UBTD1: variants seen among roughly 807,000 people sequenced by gnomAD.
The protein encoded by UBTD1 is ubiquitin domain-containing protein 1.
UBTD1 carries 19 observed loss-of-function variants against 21.7 expected under a neutral mutation model. The observed-to-expected ratio is 0.87, with a 90% CI of 0.61 to 1.28. The LOEUF (loss-of-function observed/expected upper bound fraction) is 1.28, where lower values mean the gene tolerates loss of function less well. Among genes scored for constraint, UBTD1 ranks in the 50% most tolerant of loss-of-function variants. UBTD1 has a pLI of 0.00. For synonymous variants in UBTD1, 116 were observed against 135.1 expected (o/e 0.86, Z 0.98); for missense variants, 282 against 315.1 (o/e 0.89, Z 0.80).
chr10:97,534,095 T>A (rs2135671432), intron 1 of UBTD1, among the ~76,000 whole-genome samples: 1 of 152,230 alleles, frequency 6.6e-6, no homozygotes, highest in South Asian at 2.1e-4. Flanking sequence ...TCTGCCGCCT[T>A]CCCCTAAGAC....
chr10:97,548,857 G>A lies in UBTD1; in HGVS notation c.71-19057G>A, dbSNP rs138974131. Among the ~76,000 whole-genome samples the A allele has an allele frequency of 3.0e-3, 457 of 152,314 alleles. 6 individuals carry two copies. The highest frequency in any genetic ancestry group is 0.011 in the African/African-American group (438 of 41,570). Reference sequence around the variant, plus strand: ...TTTGTAATTGATATCAGATAGGCCAGTTTTCCTCTGGAAATGGGTCGGGGG... The same window carrying A: ...TTTGTAATTGATATCAGATAGGCCAATTTTCCTCTGGAAATGGGTCGGGGG... On this transcript the variant is annotated intron_variant, in intron 1 of 2. Coordinates refer to ENST00000370664, the MANE Select transcript of UBTD1 (RefSeq NM_024954.5).
chr10:97,521,709 C>T (rs988468847), intron 1 of UBTD1, among the ~76,000 whole-genome samples: 8 of 152,250 alleles, frequency 5.3e-5, no homozygotes, highest in African/African-American at 1.4e-4. Context: ...GCCCCAGCTA[C>T]GGAGTTTGGT....
intron 1 of UBTD1, among the ~76,000 whole-genome samples, chr10:97,564,474 T>A (rs2040708335): frequency 6.6e-6 from 1 of 152,182 alleles, no homozygotes; most frequent in Admixed American, 6.5e-5. Context: ...AAGGTCTGAA[T>A]AGGAAACATT....
intron 1 of UBTD1, among the ~76,000 whole-genome samples, chr10:97,527,917 C>T: frequency 6.6e-6 from 1 of 152,210 alleles, no homozygotes; most frequent in South Asian, 2.1e-4. Flanking sequence ...TTCTATTCCA[C>T]AAAACCGCCA....
At chr10:97,518,262 A>C (rs2135662350) in intron 1 of UBTD1, among the ~76,000 whole-genome samples, 1 of 152,298 alleles carries the variant, frequency 6.6e-6, no homozygotes, top group South Asian at 2.1e-4. Flanking sequence ...TGAGGTCAAC[A>C]GGGGAGAACC....
At chr10:97,547,915 G>A (rs1385227241) in intron 1 of UBTD1, among the ~76,000 whole-genome samples, 1 of 150,658 alleles carries the variant, frequency 6.6e-6, no homozygotes, top group African/African-American at 2.5e-5. Flanking sequence ...AAAAAAAAAA[G>A]TAACCTTTAA....
At chr10:97,500,381 A>C (rs531856146) in intron 1 of UBTD1, among the ~76,000 whole-genome samples, 4 of 152,232 alleles carry the variant, frequency 2.6e-5, no homozygotes, top group African/African-American at 9.6e-5. Context: ...CAGGGGAAGC[A>C]GGGAAGGATG....
chr10:97,502,837 A>G (rs946983), intron 1 of UBTD1, among the ~76,000 whole-genome samples: 147,674 of 150,000 alleles, frequency 0.98, 72,719 homozygotes, highest in Middle Eastern at 1. Context: ...GTGTGTGCGT[A>G]TGTGTGTATA....
intron 1 of UBTD1, among the ~76,000 whole-genome samples, chr10:97,561,435 T>C (rs1047145003): frequency 1.8e-4 from 28 of 152,170 alleles, no homozygotes; most frequent in Non-Finnish European, 7.3e-5. Flanking sequence ...CCGAGCTCCC[T>C]GAATGCACAA....
At chr10:97,535,227 T>G (rs1437387043) in intron 1 of UBTD1, among the ~76,000 whole-genome samples, 2 of 152,224 alleles carry the variant, frequency 1.3e-5, no homozygotes, top group Non-Finnish European at 2.9e-5. Context: ...CAGCTCCGTG[T>G]GAACGGCTAG....
chr10:97,533,989 C>T (rs1028795463), intron 1 of UBTD1, among the ~76,000 whole-genome samples: 2 of 152,062 alleles, frequency 1.3e-5, no homozygotes, highest in Non-Finnish European at 2.9e-5. Flanking sequence ...GTGATGTGGG[C>T]CACAGCCCAT....
intron 1 of UBTD1, among the ~76,000 whole-genome samples, chr10:97,565,063 A>G (rs2040711027): frequency 6.6e-6 from 1 of 152,210 alleles, no homozygotes. Context: ...AAATCTCCCT[A>G]AAACATATAA....
chr10:97,521,153 G>A (rs1322064942), intron 1 of UBTD1, among the ~76,000 whole-genome samples: 1 of 152,194 alleles, frequency 6.6e-6, no homozygotes, highest in Non-Finnish European at 1.5e-5. Context: ...TATTTAATCT[G>A]TAGTGTTTTG....
intron 1 of UBTD1, among the ~76,000 whole-genome samples, chr10:97,535,872 C>T (rs1340453375): frequency 4.6e-5 from 7 of 151,432 alleles, no homozygotes; most frequent in Admixed American, 3.3e-4. Context: ...GAGCCATGAC[C>T]GCACTACTGC....
intron 1 of UBTD1, among the ~76,000 whole-genome samples, chr10:97,567,347 G>A (rs1005989277): frequency 7.5e-5 from 11 of 147,478 alleles, no homozygotes; most frequent in Admixed American, 3.3e-4. Flanking sequence ...GATTACAGGC[G>A]TGAGCCACCG....
chr10:97,529,132 C>T (rs572218867), intron 1 of UBTD1, among the ~76,000 whole-genome samples: 7 of 151,264 alleles, frequency 4.6e-5, no homozygotes, highest in Admixed American at 3.9e-4. Context: ...GACGGGGCAG[C>T]GGGGCAGAGG....
chr10:97,565,954 TC>T (rs1236938099), intron 1 of UBTD1, among the ~76,000 whole-genome samples: 15 of 152,168 alleles, frequency 9.9e-5, no homozygotes, highest in African/African-American at 3.6e-4. Flanking sequence ...GCTCAAGTGA[TC>T]CATCTGCCTT....
intron 1 of UBTD1, among the ~76,000 whole-genome samples, chr10:97,510,313 C>G (rs1335915380): frequency 6.6e-6 from 1 of 152,196 alleles, no homozygotes; most frequent in African/African-American, 2.4e-5. Flanking sequence ...AAGAGAACAT[C>G]TATAAGATAG....
At chr10:97,518,513 G>A (rs1382263932) in intron 1 of UBTD1, among the ~76,000 whole-genome samples, 3 of 152,312 alleles carry the variant, frequency 2.0e-5, no homozygotes, top group Non-Finnish European at 4.4e-5. Flanking sequence ...CAGCCCGTTT[G>A]GCTATTTCTG....
Sources: allele counts gnomAD v4.1 joint callset (sites outside exome capture counted in the v4.1 genomes callset), GRCh38; gene constraint gnomAD v4.1.1; transcripts MANE v1.5; gene names NCBI Gene and HGNC (gene_info 2026-07-23, HGNC 2026-07-21).